Variants in SMYD3 observed in about 807,000 individuals in gnomAD.
SMYD3 encodes the protein histone-lysine N-methyltransferase SMYD3.
SMYD3 carries 36 observed loss-of-function variants against 57.7 expected under a neutral mutation model. The ratio of observed to expected loss-of-function variants is 0.62; its 90% CI spans 0.48 to 0.82. The LOEUF is 0.82. Ranked by LOEUF, SMYD3 falls within the 40% of genes least tolerant of loss-of-function variation. The pLI is 0.00. For synonymous variants in SMYD3, 211 were observed against 195.0 expected, an observed-to-expected ratio of 1.08 and a Z score of -0.68; for missense variants, 515 against 538.8, an observed-to-expected ratio of 0.96 and a Z score of 0.44.
At chr1:246,273,923 G>A (rs1228592295) in intron 5 of SMYD3, among the ~76,000 whole-genome samples, 1 of 151,948 alleles carries the variant, frequency 6.6e-6, no homozygotes, top group Non-Finnish European at 1.5e-5. Flanking sequence ...AGTTAACACT[G>A]TTCTAATCTT....
At chr1:246,389,992 A>T in intron 1 of SMYD3, among the ~76,000 whole-genome samples, 1 of 152,134 alleles carries the variant, frequency 6.6e-6, no homozygotes, top group South Asian at 2.1e-4. Flanking sequence ...GAAGGGGCAG[A>T]TCTGCTGCGG....
At chr1:246,365,552 G>A (rs4654245) in intron 1 of SMYD3, among the ~76,000 whole-genome samples, 23,084 of 149,912 alleles carry the variant, frequency 0.15, 2,064 homozygotes, top group East Asian at 0.3. Flanking sequence ...AGATTCAGTC[G>A]GGTTAAAAAC....
rs1158926948 is a variant in SMYD3, at chr1:245,897,668, G to A, written c.813+17862C>T. Among the ~76,000 whole-genome samples, 15 of 152,292 alleles carry A rather than the reference G, an allele frequency of 9.8e-5. No homozygotes were observed. The South Asian group carries it at 2.9e-3, about 29-fold the overall frequency. On this transcript the variant is annotated intron_variant, in intron 8 of 11. Transcript: ENST00000490107. The stretch of plus-strand genomic sequence containing the variant: ...CCAGCACTTTGGGAGGCCAGGGCGG[G>A]TGGATCACTTGAGGTCAGGAGTTCG...
chr1:246,111,163 T>G (rs576993836), intron 5 of SMYD3, among the ~76,000 whole-genome samples: 1 of 152,248 alleles, frequency 6.6e-6, no homozygotes, highest in South Asian at 2.1e-4. Flanking sequence ...CAATAGTTCA[T>G]TATAAGTTTC....
chr1:246,140,238 C>T (rs868764502), intron 5 of SMYD3, among the ~76,000 whole-genome samples: 9 of 152,152 alleles, frequency 5.9e-5, no homozygotes, highest in Non-Finnish European at 8.8e-5. Flanking sequence ...CAGGACCTTT[C>T]GCTTCAAATT....
At position 246,022,140 on chromosome 1, in the gene SMYD3, C is replaced by G. The variant is rs76686948; in HGVS notation, c.532-92203G>C. Reference sequence around the variant, plus strand: ...ACGCAAATTCATGATCATTATGAAGCAAATGCATTGCTGTACTTAAGACAT... The same window carrying G: ...ACGCAAATTCATGATCATTATGAAGGAAATGCATTGCTGTACTTAAGACAT... On this transcript the variant is annotated intron_variant, in intron 5 of 11. Coordinates refer to ENST00000490107, the MANE Select transcript of SMYD3 (RefSeq NM_001167740.2). Among the ~76,000 whole-genome samples the G allele has an allele frequency of 2.5e-3, 379 of 152,320 alleles. 1 individual carries two copies. The highest frequency in any genetic ancestry group is 8.8e-3 in the African/African-American group (367 of 41,566).
chr1:245,875,088 C>A (rs1159779650), intron 8 of SMYD3, among the ~76,000 whole-genome samples: 1 of 152,240 alleles, frequency 6.6e-6, no homozygotes, highest in Admixed American at 6.5e-5. Flanking sequence ...GGCACGCCAA[C>A]AGAAAGCACA....
At chr1:245,789,916 T>C (rs1406229862) in intron 10 of SMYD3, among the ~76,000 whole-genome samples, 1 of 152,260 alleles carries the variant, frequency 6.6e-6, no homozygotes, top group Non-Finnish European at 1.5e-5. Flanking sequence ...TTTGTTCATT[T>C]ATTTGTTCAT....
intron 1 of SMYD3, among the ~76,000 whole-genome samples, chr1:246,395,575 A>G (rs1369093927): frequency 6.9e-6 from 1 of 144,606 alleles, no homozygotes; most frequent in Non-Finnish European, 1.5e-5. Flanking sequence ...TACTACTGCG[A>G]GTGGACCCCC....
intron 10 of SMYD3, among the ~76,000 whole-genome samples, chr1:245,790,243 G>A (rs1318558682): frequency 1.3e-5 from 2 of 152,124 alleles, no homozygotes; most frequent in Non-Finnish European, 1.5e-5. Flanking sequence ...AACCCCCAGG[G>A]GCACAAAACA....
intron 1 of SMYD3, among the ~76,000 whole-genome samples, chr1:246,425,290 C>T (rs1023867948): frequency 9.2e-5 from 14 of 152,246 alleles, no homozygotes; most frequent in Middle Eastern, 3.4e-3. Flanking sequence ...CATTCAGAAA[C>T]GACCACAGCT....
At chr1:245,893,228 T>C (rs2185373) in intron 8 of SMYD3, among the ~76,000 whole-genome samples, 86,685 of 152,078 alleles carry the variant, frequency 0.57, 27,926 homozygotes, top group Non-Finnish European at 0.74. Flanking sequence ...TGGTGAGGAT[T>C]TGGGGTAACT....
In SMYD3 at chr1:246,306,160, G is replaced by A. The variant is rs538333523; in HGVS notation, c.531+21041C>T. ...TTGAGACCAGCCAGGACAACATGACGAAATCCTATCTCTACTGAAAATACA... is the reference window on the plus strand; with the variant it reads ...TTGAGACCAGCCAGGACAACATGACAAAATCCTATCTCTACTGAAAATACA... On this transcript the variant is annotated intron_variant, in intron 5 of 11. Coordinates refer to ENST00000490107, the MANE Select transcript of SMYD3 (RefSeq NM_001167740.2). Among the ~76,000 whole-genome samples the A allele has an allele frequency of 9.2e-5, 14 of 152,252 alleles. No individual in the cohort carries two copies. In the South Asian group the frequency reaches 2.9e-3, roughly 32 times the overall value.
intron 5 of SMYD3, among the ~76,000 whole-genome samples, chr1:246,241,769 A>G (rs1345432193): frequency 6.6e-6 from 1 of 152,072 alleles, no homozygotes; most frequent in Non-Finnish European, 1.5e-5. Context: ...TCAATTTCAG[A>G]GCCTGTTATT....
At chr1:245,857,483 G>A (rs1170782484) in intron 10 of SMYD3, among the ~76,000 whole-genome samples, 2 of 151,728 alleles carry the variant, frequency 1.3e-5, no homozygotes, top group African/African-American at 2.4e-5. Context: ...GCTCCTCTTC[G>A]CTTACAGCCA....
chr1:246,160,388 A>C (rs1223223865), intron 5 of SMYD3, among the ~76,000 whole-genome samples: 1 of 151,868 alleles, frequency 6.6e-6, no homozygotes, highest in Non-Finnish European at 1.5e-5. Context: ...GAAAATTCAT[A>C]TTAGTGGGAA....
chr1:246,431,686 G>T (rs189338496), intron 1 of SMYD3, among the ~76,000 whole-genome samples: 55 of 152,222 alleles, frequency 3.6e-4, no homozygotes, highest in African/African-American at 1.2e-3. Context: ...GAGCTGAGAT[G>T]CCACCAATGC....
In SMYD3 at chr1:246,378,504, G is replaced by C. The variant is rs2066317188; in HGVS notation, c.165-23410C>G. Among the ~76,000 whole-genome samples the C allele has an allele frequency of 1.3e-5, 2 of 150,830 alleles. 1 individual carries two copies. The highest frequency in any genetic ancestry group is 1.3e-4 in the Admixed American group (2 of 14,970). On this transcript the variant is annotated intron_variant, in intron 1 of 11. Transcript: ENST00000490107. The stretch of plus-strand genomic sequence containing the variant: ...AGCCTACATCTTTCTCCCATGCAAT[G>C]CTTCCTGCCCTTGAACATCAGACTC...
chr1:246,427,324 T>C (rs1454451906), intron 1 of SMYD3, among the ~76,000 whole-genome samples: 1 of 151,422 alleles, frequency 6.6e-6, no homozygotes, highest in Non-Finnish European at 1.5e-5. Flanking sequence ...ATCGAGACCA[T>C]CCCGGCTAAA....
Sources: gnomAD v4.1 joint callset for allele counts (sites outside exome capture counted in the v4.1 genomes callset) on GRCh38, gnomAD v4.1.1 for gene constraint, MANE v1.5 for transcripts, NCBI Gene and HGNC (gene_info 2026-07-23, HGNC 2026-07-21) for gene names.